The following ARHGEF12 variants were observed in gnomAD, a reference collection of about 807,000 sequenced individuals.
The protein encoded by ARHGEF12 is Rho guanine nucleotide exchange factor 12.
ARHGEF12 carries 66 observed loss-of-function variants against 211.2 expected under a neutral mutation model. The observed-to-expected ratio is 0.31, with a 90% CI of 0.26 to 0.38. The LOEUF (loss-of-function observed/expected upper bound fraction) is 0.38, where lower values mean the gene tolerates loss of function less well. Among genes scored for constraint, ARHGEF12 ranks in the 10% least tolerant of loss-of-function variants. The probability of loss-of-function intolerance (pLI) is 1.00; values close to 1 mark genes in which losing one functional copy is unlikely to be tolerated. For synonymous variants in ARHGEF12, 592 were observed against 638.4 expected (o/e 0.93, Z 1.09); for missense variants, 1,429 against 1,869.5 (o/e 0.76, Z 4.34).
intron 1 of ARHGEF12, among the ~76,000 whole-genome samples, chr11:120,391,394 C>T (rs1245117280): frequency 6.6e-6 from 1 of 152,228 alleles, no homozygotes; most frequent in East Asian, 1.9e-4. Context: ...ATCCTCCACC[C>T]TCCCAGGGTA....
intron 1 of ARHGEF12, among the ~76,000 whole-genome samples, chr11:120,344,405 A>G (rs1439919056): frequency 6.6e-6 from 1 of 152,182 alleles, no homozygotes; most frequent in Non-Finnish European, 1.5e-5. Context: ...TACACTTGCT[A>G]ACACAAGAAA....
Position 120,446,982 on chromosome 11 carries a change from A to G in ARHGEF12, c.1486A>G (p.Ser496Gly). 2 of 1,614,220 alleles carry G rather than the reference A, an allele frequency of 1.2e-6. No individual in the cohort carries two copies. The highest frequency in any genetic ancestry group is 1.1e-5 in the South Asian group (1 of 91,072). The change falls in exon 18 of 41, where the codon AGC becomes GGC. Residue 496 changes from serine (S) to glycine (G), a missense_variant. Ser to Gly is a moderately conservative substitution (Grantham distance 56, BLOSUM62 0). Around this residue, in one of 7 missense-constraint regions of ARHGEF12, gnomAD observed 373 missense variants for 467.5 expected, o/e 0.80. Transcript: ENST00000397843. Reference sequence around the variant, plus strand: ...TAGTATGGGACTGACCTTGGCTGAAAGCGAGCTGACTAAACTTGATGCAGA... The same window carrying G: ...TAGTATGGGACTGACCTTGGCTGAAGGCGAGCTGACTAAACTTGATGCAGA... The part of the protein sequence containing the change: ...KRSMGLTLAE[S>G]ELTKLDAERD...
At chr11:120,473,738 T>C (rs1946945575) in intron 31 of ARHGEF12, among the ~76,000 whole-genome samples, 1 of 152,210 alleles carries the variant, frequency 6.6e-6, no homozygotes, top group African/African-American at 2.4e-5. Flanking sequence ...TTTGGTAACT[T>C]TCCAGATCAT....
intron 1 of ARHGEF12, among the ~76,000 whole-genome samples, chr11:120,358,104 A>G (rs1943176666): frequency 6.6e-6 from 1 of 152,098 alleles, no homozygotes; most frequent in Non-Finnish European, 1.5e-5. Flanking sequence ...GAGAGGCAGT[A>G]AGCGTTATGT....
intron 1 of ARHGEF12, among the ~76,000 whole-genome samples, chr11:120,400,524 A>G (rs1414367887): frequency 1.3e-5 from 2 of 152,226 alleles, no homozygotes; most frequent in Admixed American, 6.5e-5. Context: ...AAAAAAAAGT[A>G]TAAGGTACTA....
intron 1 of ARHGEF12, among the ~76,000 whole-genome samples, chr11:120,366,465 A>AT: frequency 6.6e-6 from 1 of 152,120 alleles, no homozygotes; most frequent in South Asian, 2.1e-4. Flanking sequence ...CCCTTAAGTT[A>AT]TTTTTTTGAT....
intron 2 of ARHGEF12, 63 bp downstream of exon 2, chr11:120,406,204 T>A: frequency 8.8e-7 from 1 of 1,141,726 alleles, no homozygotes; most frequent in Non-Finnish European, 1.2e-6. Context: ...TAAGCATCCC[T>A]TTGAAATTAT....
chr11:120,368,594 G>A (rs1240219839), intron 1 of ARHGEF12, among the ~76,000 whole-genome samples: 1 of 152,190 alleles, frequency 6.6e-6, no homozygotes, highest in Non-Finnish European at 1.5e-5. Flanking sequence ...AAGGTTCAGT[G>A]ACTTTCCATA....
chr11:120,343,992 C>T (rs995612192), intron 1 of ARHGEF12, among the ~76,000 whole-genome samples: 4 of 152,014 alleles, frequency 2.6e-5, no homozygotes, highest in Admixed American at 6.6e-5. Flanking sequence ...TGGCCAGGCG[C>T]GGTGGCTCAT....
chr11:120,381,473 T>G (rs1470759447), intron 1 of ARHGEF12, among the ~76,000 whole-genome samples: 1 of 152,252 alleles, frequency 6.6e-6, no homozygotes, highest in Non-Finnish European at 1.5e-5. Context: ...ATGTACAGTT[T>G]CTTTTGTCAT....
At chr11:120,344,041 G>A (rs1444594621) in intron 1 of ARHGEF12, among the ~76,000 whole-genome samples, 1 of 151,922 alleles carries the variant, frequency 6.6e-6, no homozygotes, top group Non-Finnish European at 1.5e-5. Flanking sequence ...TGAGGTGGGC[G>A]GATCACTTGA....
At chr11:120,467,116 A>G in intron 28 of ARHGEF12, 78 bp from the exon 29 acceptor site, 1 of 889,812 alleles carries the variant, frequency 1.1e-6, no homozygotes, top group African/African-American at 1.7e-5. Context: ...TGATGCATTA[A>G]ACCCTCACGG....
chr11:120,477,200 T>G lies in ARHGEF12; in HGVS notation c.3366-19T>G. On this transcript the variant is annotated intron_variant, in intron 34 of 40. Coordinates refer to ENST00000397843, the MANE Select transcript of ARHGEF12 (RefSeq NM_015313.3). Reference sequence around the variant, plus strand: ...TTTTTTCTTTTTTGTATTTTGGATTTCTTTCCAACTTTCTGAAGCTGGCAG... The same window carrying G: ...TTTTTTCTTTTTTGTATTTTGGATTGCTTTCCAACTTTCTGAAGCTGGCAG... 1.2e-6 allele frequency: 2 copies of G among 1,612,368 alleles called. No individual in the cohort carries two copies.
intron 1 of ARHGEF12, among the ~76,000 whole-genome samples, chr11:120,361,467 G>T (rs1266211339): frequency 1.3e-5 from 2 of 152,328 alleles, no homozygotes; most frequent in African/African-American, 2.4e-5. Flanking sequence ...TGCCAAAAAG[G>T]TTGGGGTCTG....
At chr11:120,427,411 T>A (rs1374143180) in intron 7 of ARHGEF12, among the ~76,000 whole-genome samples, 1 of 152,140 alleles carries the variant, frequency 6.6e-6, no homozygotes, top group Non-Finnish European at 1.5e-5. Flanking sequence ...TCTTAAAATA[T>A]GAAGATCTAG....
At chr11:120,478,963 A>G (rs1325051275) in intron 37 of ARHGEF12, among the ~76,000 whole-genome samples, 1 of 152,230 alleles carries the variant, frequency 6.6e-6, no homozygotes, top group African/African-American at 2.4e-5. Context: ...CTAGTCAGAA[A>G]TAAGAGTCAG....
At chr11:120,406,394 G>T (rs1486064285) in intron 2 of ARHGEF12, among the ~76,000 whole-genome samples, 1 of 152,102 alleles carries the variant, frequency 6.6e-6, no homozygotes, top group Admixed American at 6.5e-5. Context: ...ACACTGAAGA[G>T]ACTTAATTTT....
intron 1 of ARHGEF12, among the ~76,000 whole-genome samples, chr11:120,395,492 G>A (rs1369026743): frequency 6.6e-6 from 1 of 152,158 alleles, no homozygotes; most frequent in Admixed American, 6.5e-5. Context: ...GCTACAGAAA[G>A]AATTATAGAT....
Position 120,481,550 on chromosome 11 carries a change from A to G in ARHGEF12, c.4528A>G (p.Ile1510Val), listed in dbSNP as rs1195141252. ...CCAGATCATGGAGTACATTCATAAG[A>G]TAGAGGCTGACCTTGAACACTTAAA... is the stretch of plus-strand genomic sequence containing the variant. ...QSQIMEYIHK[I>V]EADLEHLKKV... The change falls in exon 39 of 41, where the codon ATA becomes GTA. Residue 1510 changes from isoleucine to valine, a missense_variant. Coordinates refer to ENST00000397843, the MANE Select transcript of ARHGEF12 (RefSeq NM_015313.3). The G allele has an allele frequency of 6.2e-7, 1 of 1,614,168 alleles. No homozygotes were observed. The highest frequency in any genetic ancestry group is 8.5e-7 in the Non-Finnish European group (1 of 1,180,034).
Sources: gnomAD v4.1 joint callset for allele counts (sites outside exome capture counted in the v4.1 genomes callset) on GRCh38, gnomAD v4.1.1 for gene constraint, gnomAD v4.1.1 regional missense constraint, MANE v1.5 for transcripts, NCBI Gene and HGNC (gene_info 2026-07-23, HGNC 2026-07-21) for gene names.